Variants in WDFY3 observed in about 807,000 individuals in gnomAD.
The protein encoded by WDFY3 is WD repeat and FYVE domain-containing protein 3.
Under a neutral mutation model 409.6 loss-of-function variants are expected in WDFY3, and 66 were observed. The ratio of observed to expected loss-of-function variants is 0.16; its 90% confidence interval spans 0.13 to 0.20. The LOEUF is 0.20. WDFY3 is among the 10% of genes least tolerant of loss of function. WDFY3 has a pLI of 1.00. For synonymous variants in WDFY3, 1,521 were observed against 1,537.1 expected, an observed-to-expected ratio of 0.99 and a Z score of 0.25; for missense variants, 3,031 against 4,298.1, an observed-to-expected ratio of 0.71 and a Z score of 8.24.
chr4:84,797,120 G>A (rs1379770245), intron 18 of WDFY3, among the ~76,000 whole-genome samples: 1 of 151,866 alleles, frequency 6.6e-6, no homozygotes, highest in East Asian at 1.9e-4. Flanking sequence ...TTCTCTTTGA[G>A]GGAAAAGTAA....
rs116353304 is a variant in WDFY3 at position 84,835,078 on chromosome 4, T to C, written c.576+1851A>G. The stretch of plus-strand genomic sequence containing the variant: ...TAAATGAGGAGTTTGATTTAAATTA[T>C]GTTTTGAGTCCCTTTTGGCCTTAAT... On this transcript the variant is annotated intron_variant, in intron 7 of 67. Transcript: ENST00000295888. 4.3e-3 allele frequency among the ~76,000 whole-genome samples: 656 copies of C among 152,354 alleles called. 4 individuals carry two copies. The highest frequency in any genetic ancestry group is 0.015 in the African/African-American group (611 of 41,580).
intron 53 of WDFY3, 150 bp from the exon 54 acceptor site, chr4:84,705,661 C>T: frequency 1.5e-6 from 1 of 661,356 alleles, no homozygotes; most frequent in Non-Finnish European, 2.7e-6. Flanking sequence ...CAAAATAATG[C>T]TATATATGTA....
intron 2 of WDFY3, among the ~76,000 whole-genome samples, chr4:84,920,034 A>G (rs1322299618): frequency 1.3e-5 from 2 of 152,192 alleles, no homozygotes; most frequent in East Asian, 3.8e-4. Context: ...ACATCAAACA[A>G]ATAAAAAATA....
chr4:84,826,363 A>G (rs1754865728), intron 10 of WDFY3, among the ~76,000 whole-genome samples: 1 of 152,150 alleles, frequency 6.6e-6, no homozygotes. Context: ...ATACCATTTT[A>G]TATCAGGGAC....
chr4:84,731,846 A>G (rs1386795286), intron 44 of WDFY3, among the ~76,000 whole-genome samples: 3 of 152,240 alleles, frequency 2.0e-5, no homozygotes, highest in African/African-American at 7.2e-5. Flanking sequence ...GCCTCAGTTA[A>G]ATCTAAACAG....
chr4:84,935,012 G>A (rs868197826), intron 1 of WDFY3, among the ~76,000 whole-genome samples: 1 of 151,944 alleles, frequency 6.6e-6, no homozygotes, highest in African/African-American at 2.4e-5. Context: ...TCAATATTAC[G>A]TTTCTAAAAC....
chr4:84,735,693 C>G (rs1737324152), intron 42 of WDFY3, among the ~76,000 whole-genome samples: 1 of 152,178 alleles, frequency 6.6e-6, no homozygotes, highest in South Asian at 2.1e-4. Flanking sequence ...CTGACACATA[C>G]TATTTCTCTC....
intron 3 of WDFY3, among the ~76,000 whole-genome samples, chr4:84,881,009 CACTGTGCCCA>C (rs1763462858): frequency 6.6e-6 from 1 of 151,896 alleles, no homozygotes; most frequent in Non-Finnish European, 1.5e-5. Flanking sequence ...AGGTACGACC[CACTGTGCCCA>C]ACCTGATGGT....
At chr4:84,929,671 A>C (rs1253512083) in intron 2 of WDFY3, among the ~76,000 whole-genome samples, 2 of 152,180 alleles carry the variant, frequency 1.3e-5, no homozygotes, top group African/African-American at 4.8e-5. Context: ...GCACTTTGGG[A>C]GGCCAAGGCG....
chr4:84,855,511 T>C (rs896171769), intron 4 of WDFY3, among the ~76,000 whole-genome samples: 1 of 152,228 alleles, frequency 6.6e-6, no homozygotes, highest in Admixed American at 6.5e-5. Flanking sequence ...TGTTATCTAA[T>C]GGCATTCATA....
intron 3 of WDFY3, among the ~76,000 whole-genome samples, chr4:84,872,608 C>T (rs1056677352): frequency 6.6e-6 from 1 of 152,026 alleles, no homozygotes; most frequent in African/African-American, 2.4e-5. Context: ...ACAAACATGA[C>T]AGATATTTAT....
At position 84,690,543 on chromosome 4, in the gene WDFY3, G is replaced by T. The variant is rs768055523; in HGVS notation, c.9326C>A (p.Thr3109Asn). Residue 3109 changes from threonine (T) to asparagine (N), a missense_variant, in exon 61 of 68, where the codon ACC becomes AAC. Transcript: ENST00000295888. ...GACGGTCTTGGCCTTTTCTTTGGAG[G>T]TGCCCATCTCCCACACACACACAAC... Reference protein sequence around the residue: ...STVVCVWEMGTSKEKAKTVTL... With the variant: ...STVVCVWEMGNSKEKAKTVTL... The T allele has an allele frequency of 1.2e-6, 2 of 1,613,988 alleles. No homozygotes were observed. Among genetic ancestry groups the T allele is most frequent in the Non-Finnish European group, 1.7e-6 (2 of 1,180,002 alleles).
chr4:84,905,656 A>C (rs545054838), intron 2 of WDFY3, among the ~76,000 whole-genome samples: 2 of 152,294 alleles, frequency 1.3e-5, no homozygotes, highest in Admixed American at 1.3e-4. Flanking sequence ...GGTAACAGAA[A>C]CTATAGTATG....
intron 2 of WDFY3, among the ~76,000 whole-genome samples, chr4:84,907,322 A>G (rs752124305): frequency 6.6e-6 from 1 of 152,164 alleles, no homozygotes; most frequent in Non-Finnish European, 1.5e-5. Context: ...CAGATTATAA[A>G]AGACATTATG....
At chr4:84,871,561 TG>T (rs1762136563) in intron 3 of WDFY3, among the ~76,000 whole-genome samples, 2 of 152,164 alleles carry the variant, frequency 1.3e-5, no homozygotes, top group Admixed American at 6.5e-5. Flanking sequence ...GTCAGTAAAT[TG>T]TATCTATATT....
Position 84,737,290 on chromosome 4 carries a change from T to G in WDFY3, c.6651A>C (p.Glu2217Asp). 1 of 1,614,066 alleles carries G rather than the reference T, an allele frequency of 6.2e-7. No individual in the cohort carries two copies. Among genetic ancestry groups the G allele is most frequent in the South Asian group, 1.1e-5 (1 of 91,080 alleles). The change falls in exon 41 of 68, where the codon GAA becomes GAC. Residue 2217 changes from glutamate to aspartate, a missense_variant. Transcript: ENST00000295888. ...TCACAGGTAGAGTTACTTTGAAAAG[T>G]TCCTCTAAGACTTGTTTCTTACTAT... ...LIHSKKQVLEELFKVTLPVNE... is the reference protein window; with the variant it reads ...LIHSKKQVLEDLFKVTLPVNE...
chr4:84,742,668 T>C (rs1489182574), intron 37 of WDFY3, among the ~76,000 whole-genome samples: 1 of 152,118 alleles, frequency 6.6e-6, no homozygotes, highest in African/African-American at 2.4e-5. Flanking sequence ...CTCATTGGAG[T>C]GCAAGCCCTA....
At position 84,726,845 on chromosome 4, in the gene WDFY3, G is replaced by C. The variant is rs778143927; in HGVS notation, c.7272+16C>G. 11 of 1,590,002 alleles carry C rather than the reference G, an allele frequency of 6.9e-6. No homozygotes were observed. The highest frequency in any genetic ancestry group is 2.2e-5 in the East Asian group (1 of 44,624). On this transcript the variant is annotated intron_variant, in intron 45 of 67. Transcript: ENST00000295888. ...TACAAGTAGTTTACATTCTTTTACT[G>C]TAATTTGTGTTTTACCTTTTGAGGA...
chr4:84,768,448 G>A (rs1473114068), intron 30 of WDFY3, among the ~76,000 whole-genome samples: 1 of 152,172 alleles, frequency 6.6e-6, no homozygotes, highest in Admixed American at 6.5e-5. Context: ...ACTTTAAGTG[G>A]AAGCCAATGC....
Sources: gnomAD v4.1 joint callset for allele counts (sites outside exome capture counted in the v4.1 genomes callset) on GRCh38, gnomAD v4.1.1 for gene constraint, MANE v1.5 for transcripts, NCBI Gene and HGNC (gene_info 2026-07-23, HGNC 2026-07-21) for gene names.